Variants in RANBP2 observed in about 807,000 individuals in gnomAD.
RANBP2 encodes RAN binding protein 2, also known as E3 SUMO-protein ligase RanBP2.
A neutral mutation model predicts 303.6 loss-of-function variants in RANBP2; 57 were observed. The observed-to-expected ratio is 0.19, with a 90% CI of 0.15 to 0.23. The LOEUF (loss-of-function observed/expected upper bound fraction) is 0.23. Ranked by LOEUF, RANBP2 falls within the 10% of genes least tolerant of loss-of-function variation. The probability of loss-of-function intolerance (pLI) is 1.00; values close to 1 mark genes in which losing one functional copy is unlikely to be tolerated. For missense variants in RANBP2, 3,138 were observed against 3,780.8 expected, an observed-to-expected ratio of 0.83 and a Z score of 4.46; for synonymous variants, 1,167 against 1,301.5, an observed-to-expected ratio of 0.90 and a Z score of 2.23.
chr2:109,605,602 T>C, the RANBP2 span: 1 of 152,216 alleles, frequency 6.6e-6, no homozygotes, highest in Non-Finnish European at 1.5e-5. Flanking sequence ...TCAGAATACC[T>C]GAGGATAAGC....
the RANBP2 span, among the ~76,000 whole-genome samples, chr2:109,163,595 T>G: frequency 9.2e-5 from 14 of 151,564 alleles, no homozygotes; most frequent in Middle Eastern, 3.4e-3. Flanking sequence ...GAGACGGGGT[T>G]TCACCGTTTT....
chr2:109,340,845 C>T, the RANBP2 span, among the ~76,000 whole-genome samples: 7 of 152,028 alleles, frequency 4.6e-5, no homozygotes, highest in African/African-American at 9.7e-5. Context: ...ATGACCTAAC[C>T]GCTGCTTTGA....
At chr2:109,070,075 G>T in the RANBP2 span, among the ~76,000 whole-genome samples, 1 of 152,212 alleles carries the variant, frequency 6.6e-6, no homozygotes, top group African/African-American at 2.4e-5. Flanking sequence ...GAGCCAGCCT[G>T]CGACGTGCTG....
At chr2:109,190,910 T>C in the RANBP2 span, among the ~76,000 whole-genome samples, 15 of 151,594 alleles carry the variant, frequency 9.9e-5, no homozygotes, top group Non-Finnish European at 1.9e-4. Flanking sequence ...AAGAGTATTG[T>C]GATACTTTGC....
At chr2:109,533,154 G>T in the RANBP2 span, among the ~76,000 whole-genome samples, 10 of 152,204 alleles carry the variant, frequency 6.6e-5, no homozygotes, top group Admixed American at 4.6e-4. Flanking sequence ...AAGGGAGGAA[G>T]GGAGGAAAGA....
the RANBP2 span, among the ~76,000 whole-genome samples, chr2:109,466,957 G>A: frequency 6.6e-6 from 1 of 152,196 alleles, no homozygotes; most frequent in African/African-American, 2.4e-5. Flanking sequence ...ATATATCTGT[G>A]TGCATGTGTG....
the RANBP2 span, among the ~76,000 whole-genome samples, chr2:109,120,892 C>A: frequency 5.5e-4 from 83 of 152,140 alleles, no homozygotes; most frequent in Non-Finnish European, 9.4e-4. Context: ...AGGTAACTGG[C>A]AGCTTTGTCT....
chr2:108,815,470 T>TG, the RANBP2 span, among the ~76,000 whole-genome samples: 20 of 137,438 alleles, frequency 1.5e-4, no homozygotes, highest in African/African-American at 5.1e-4. Context: ...TGTTTTTTTT[T>TG]TTTTTTTTTT....
At chr2:109,317,309 G>A in the RANBP2 span, among the ~76,000 whole-genome samples, 1 of 152,162 alleles carries the variant, frequency 6.6e-6, no homozygotes, top group Non-Finnish European at 1.5e-5. Flanking sequence ...CGACAGCAAT[G>A]CCTGTCCCTG....
At chr2:109,266,353 C>G in the RANBP2 span, among the ~76,000 whole-genome samples, 35 of 151,732 alleles carry the variant, frequency 2.3e-4, no homozygotes, top group East Asian at 6.2e-3. Context: ...TATGTATACA[C>G]AGGATCCACT....
At chr2:108,960,505 A>C in the RANBP2 span, among the ~76,000 whole-genome samples, 1 of 152,202 alleles carries the variant, frequency 6.6e-6, no homozygotes, top group African/African-American at 2.4e-5. Context: ...ATGAGGAGCC[A>C]GGGCAGGGTG....
chr2:108,756,280 C>A (rs545069285), intron 17 of RANBP2, among the ~76,000 whole-genome samples: 1 of 152,088 alleles, frequency 6.6e-6, no homozygotes. Context: ...AAAAGTCTTA[C>A]TATATTTTAA....
the RANBP2 span, among the ~76,000 whole-genome samples, chr2:109,246,985 G>C: frequency 2.6e-5 from 4 of 152,258 alleles, no homozygotes; most frequent in African/African-American, 9.6e-5. Context: ...GGTGGAGGAT[G>C]CTGGTTAGTC....
At chr2:109,113,725 G>C in the RANBP2 span, among the ~76,000 whole-genome samples, 2 of 152,166 alleles carry the variant, frequency 1.3e-5, no homozygotes, top group Non-Finnish European at 2.9e-5. Flanking sequence ...TTTTCAAAGG[G>C]AATGCTTCCA....
chr2:108,719,581 G>A lies in RANBP2; in HGVS notation c.-26G>A. Reference sequence around the variant, plus strand: ...GCGGGCCTGAGCGCTGGTCTCACGCGCCTCGGGAGCCAGGTTGGCGGCGCG... The same window carrying A: ...GCGGGCCTGAGCGCTGGTCTCACGCACCTCGGGAGCCAGGTTGGCGGCGCG... On this transcript the variant is annotated 5_prime_UTR_variant, in exon 1 of 29. Coordinates refer to ENST00000283195, the MANE Select transcript of RANBP2 (RefSeq NM_006267.5). The A allele has an allele frequency of 6.3e-7, 1 of 1,594,316 alleles. No homozygotes were observed. Among genetic ancestry groups the A allele is most frequent in the Non-Finnish European group, 8.5e-7 (1 of 1,172,340 alleles).
At chr2:109,673,361 C>T in the RANBP2 span, among the ~76,000 whole-genome samples, 7 of 152,166 alleles carry the variant, frequency 4.6e-5, no homozygotes, top group African/African-American at 1.7e-4. Context: ...AAGGTAATTT[C>T]TGACAGCCTG....
chr2:108,731,247 A>C (rs1695144464), intron 3 of RANBP2, 75 bp from the exon 4 acceptor site: 1 of 1,545,420 alleles, frequency 6.5e-7, no homozygotes. Context: ...TTTAACCTTT[A>C]TATATAAGTA....
intron 3 of RANBP2, 110 bp downstream of exon 3, chr2:108,730,995 G>A (rs1573702079): frequency 3.9e-6 from 5 of 1,289,018 alleles, no homozygotes; most frequent in Non-Finnish European, 5.5e-6. Context: ...AACAGGCATT[G>A]GTATCATAGT....
chr2:108,849,374 A>G, the RANBP2 span, among the ~76,000 whole-genome samples: 23 of 152,286 alleles, frequency 1.5e-4, no homozygotes, highest in East Asian at 4.4e-3. Flanking sequence ...AGCTGAGCTC[A>G]TGGTCACTCC....
Sources: allele counts gnomAD v4.1 joint callset (sites outside exome capture counted in the v4.1 genomes callset), GRCh38; gene constraint gnomAD v4.1.1; transcripts MANE v1.5; gene names NCBI Gene and HGNC (gene_info 2026-07-23, HGNC 2026-07-21).